The following RASGRF1 variants were observed in gnomAD, a reference collection of about 807,000 sequenced individuals.
RASGRF1 encodes Ras protein specific guanine nucleotide releasing factor 1, also known as ras-specific guanine nucleotide-releasing factor 1.
A neutral mutation model predicts 138.7 loss-of-function variants in RASGRF1; 40 were observed. The observed-to-expected ratio is 0.29, with a 90% CI of 0.22 to 0.38. The LOEUF is 0.38. Ranked by LOEUF, RASGRF1 falls within the 10% of genes least tolerant of loss-of-function variation. RASGRF1 has a pLI of 1.00. For missense variants in RASGRF1, 1,108 were observed against 1,650.4 expected, an observed-to-expected ratio of 0.67 and a Z score of 5.69; for synonymous variants, 614 against 663.2, an observed-to-expected ratio of 0.93 and a Z score of 1.14.
At chr15:79,083,994 G>A (rs2057947547) in intron 1 of RASGRF1, among the ~76,000 whole-genome samples, 1 of 121,832 alleles carries the variant, frequency 8.2e-6, no homozygotes, top group African/African-American at 3.4e-5. Context: ...TCATAGCATG[G>A]CAGAGTTGAA....
chr15:79,087,715 G>A (rs966818239), intron 1 of RASGRF1, among the ~76,000 whole-genome samples: 4 of 152,226 alleles, frequency 2.6e-5, no homozygotes, highest in African/African-American at 9.6e-5. Flanking sequence ...TGGCACCATC[G>A]ATTTTACTCA....
chr15:79,034,100 G>A (rs1295286615), intron 6 of RASGRF1, among the ~76,000 whole-genome samples: 1 of 152,162 alleles, frequency 6.6e-6, no homozygotes, highest in African/African-American at 2.4e-5. Flanking sequence ...AAAAATAATA[G>A]TGCCTACTTC....
chr15:78,997,811 A>C, intron 19 of RASGRF1: 4 of 420,002 alleles, frequency 9.5e-6, no homozygotes, highest in Non-Finnish European at 1.7e-5. Context: ...CAGGCTAGAC[A>C]GGGGTTAGCA....
intron 1 of RASGRF1, among the ~76,000 whole-genome samples, chr15:79,079,130 T>A (rs1006755193): frequency 1.3e-5 from 2 of 152,320 alleles, no homozygotes; most frequent in South Asian, 2.1e-4. Context: ...GGTCTCTGTT[T>A]TAATGTAAAC....
At position 79,073,336 on chromosome 15, in the gene RASGRF1, TG is replaced by T. The variant is rs2057786895; in HGVS notation, c.277-8811del. On this transcript the variant is annotated intron_variant, in intron 1 of 26. Coordinates refer to ENST00000558480, the MANE Select transcript of RASGRF1 (RefSeq NM_001145648.3). The surrounding 1 kb of genome is among the most constrained non-coding windows in gnomAD (Gnocchi z 4.2). The stretch of plus-strand genomic sequence containing the variant: ...GCTGGTTCCTGTGGGGAAGCTGGGC[TG>T]GGGCTCTTCCCTTAACTGGACTGGA... Among the ~76,000 whole-genome samples the T allele has an allele frequency of 6.6e-6, 1 of 152,140 alleles. No homozygotes were observed. The highest frequency in any genetic ancestry group is 1.5e-5 in the Non-Finnish European group (1 of 68,018).
intron 26 of RASGRF1, among the ~76,000 whole-genome samples, chr15:78,965,393 G>T (rs1328890360): frequency 2.0e-5 from 3 of 151,862 alleles, no homozygotes; most frequent in African/African-American, 7.3e-5. Flanking sequence ...CCCCTCAACA[G>T]GCCCTCAAAA....
At chr15:79,076,692 C>T (rs139494171) in intron 1 of RASGRF1, among the ~76,000 whole-genome samples, 7 of 152,298 alleles carry the variant, frequency 4.6e-5, no homozygotes, top group Admixed American at 2.0e-4. Context: ...GGTGTTCAGG[C>T]CATGGAGACC....
intron 24 of RASGRF1, among the ~76,000 whole-genome samples, chr15:78,976,213 G>A (rs1486058232): frequency 3.3e-5 from 5 of 152,056 alleles, no homozygotes; most frequent in African/African-American, 1.2e-4. Context: ...GAAGGTGGTG[G>A]ATTTGCAATC....
intron 1 of RASGRF1, among the ~76,000 whole-genome samples, chr15:79,088,724 G>A (rs2058014312): frequency 6.6e-6 from 1 of 152,224 alleles, no homozygotes; most frequent in Non-Finnish European, 1.5e-5. Flanking sequence ...ACTGGCTGGA[G>A]AGGGGCAAGT....
intron 20 of RASGRF1, among the ~76,000 whole-genome samples, chr15:78,994,557 G>C (rs11852922): frequency 7.2e-5 from 11 of 152,132 alleles, no homozygotes; most frequent in Admixed American, 1.3e-4. Context: ...CCCAGCCGCT[G>C]TGATGCAGGG....
At chr15:78,978,570 G>A (rs1037779183) in intron 24 of RASGRF1, 28 of 987,130 alleles carry the variant, frequency 2.8e-5, no homozygotes, top group African/African-American at 2.3e-4. Context: ...TGCCTGGGAC[G>A]TATGAATGGG....
intron 20 of RASGRF1, among the ~76,000 whole-genome samples, chr15:78,992,256 A>G (rs1015358111): frequency 1.3e-5 from 2 of 152,292 alleles, no homozygotes; most frequent in Admixed American, 1.3e-4. Flanking sequence ...GCAGGTGTGG[A>G]CTCCCAGGCG....
At chr15:79,038,362 C>A (rs1242585160) in intron 5 of RASGRF1, among the ~76,000 whole-genome samples, 2 of 152,070 alleles carry the variant, frequency 1.3e-5, no homozygotes, top group African/African-American at 4.8e-5. Context: ...ACATCATAAG[C>A]TAGAATTATA....
chr15:79,036,236 C>T (rs1036147303), intron 5 of RASGRF1, among the ~76,000 whole-genome samples: 1 of 152,202 alleles, frequency 6.6e-6, no homozygotes, highest in African/African-American at 2.4e-5. Context: ...GGGGTTTTCC[C>T]CAGATGCCCC....
At chr15:79,033,421 T>C (rs1199064527) in intron 6 of RASGRF1, among the ~76,000 whole-genome samples, 1 of 151,684 alleles carries the variant, frequency 6.6e-6, no homozygotes, top group Non-Finnish European at 1.5e-5. Flanking sequence ...TTTTGAATTT[T>C]TGTGTTTTTT....
Position 79,090,462 on chromosome 15 carries a change from C to A in RASGRF1, c.37G>T (p.Ala13Ser). 1 of 1,612,910 alleles carries A rather than the reference C, an allele frequency of 6.2e-7. No homozygotes were observed. The highest frequency in any genetic ancestry group is 8.5e-7 in the Non-Finnish European group (1 of 1,179,962). ...TTGCGCGCCAGCAGTCCCAGGGACG[C>A]GACGTGGCCATCATTCAGCCGGATC... ...KGIRLNDGHV[A>S]SLGLLARKDG... Residue 13 changes from alanine (A) to serine (S), a missense_variant, in exon 1 of 27, where the codon GCG becomes TCG. Physicochemically the swap from Ala to Ser is moderately conservative, Grantham distance 99. Coordinates refer to ENST00000558480, the MANE Select transcript of RASGRF1 (RefSeq NM_001145648.3).
Position 78,987,380 on chromosome 15 carries a change from A to G in RASGRF1, c.3217-2176T>C, listed in dbSNP as rs1369014633. ...GAGCAAACATCATTCCACATGGGGA[A>G]ATATTAGAAATATCTCCTTTAAAAC... On this transcript the variant is annotated intron_variant, in intron 22 of 26. Transcript: ENST00000558480. Among the ~76,000 whole-genome samples, 4 of 152,294 alleles carry G rather than the reference A, an allele frequency of 2.6e-5. No homozygotes were observed. The South Asian group carries it at 6.2e-4, about 24-fold the overall frequency.
At chr15:79,081,772 T>C (rs774116572) in intron 1 of RASGRF1, among the ~76,000 whole-genome samples, 31 of 152,180 alleles carry the variant, frequency 2.0e-4, no homozygotes, top group Non-Finnish European at 4.3e-4. Context: ...ATCCTCCCAG[T>C]GCCAGGGAGG....
Position 79,027,881 on chromosome 15 carries a change from C to T in RASGRF1, c.1263-22G>A. On this transcript the variant is annotated intron_variant, in intron 8 of 26. Coordinates refer to ENST00000558480, the MANE Select transcript of RASGRF1 (RefSeq NM_001145648.3). This position sits in a 1 kb window ranked among gnomAD's most constrained non-coding sequence, Gnocchi z 4.8. ...TATTCTGTGGGGATGGGAAACTGCACAGTCAGAGACAGGCTGCCCCTACTT... is the reference window on the plus strand; with the variant it reads ...TATTCTGTGGGGATGGGAAACTGCATAGTCAGAGACAGGCTGCCCCTACTT... 6.2e-7 allele frequency: 1 copy of T among 1,610,950 alleles called. No individual in the cohort carries two copies. Among genetic ancestry groups the T allele is most frequent in the Middle Eastern group, 1.7e-4 (1 of 6,058 alleles).
Sources: allele counts gnomAD v4.1 joint callset (sites outside exome capture counted in the v4.1 genomes callset), GRCh38; gene constraint gnomAD v4.1.1; non-coding constraint Gnocchi (gnomAD v3.1); transcripts MANE v1.5; gene names NCBI Gene and HGNC (gene_info 2026-07-23, HGNC 2026-07-21).